Variants in FOXP1 observed in about 807,000 individuals in gnomAD.
The protein encoded by FOXP1 is forkhead box P1.
FOXP1 carries 15 observed loss-of-function variants against 98.2 expected under a neutral mutation model. The ratio of observed to expected loss-of-function variants is 0.15; its 90% CI spans 0.10 to 0.24. The LOEUF (loss-of-function observed/expected upper bound fraction) is 0.24, where lower values mean the gene tolerates loss of function less well. FOXP1 is among the 10% of genes least tolerant of loss of function. The pLI, the probability that FOXP1 is intolerant of heterozygous loss-of-function variation, is 1.00. For synonymous variants in FOXP1, 371 were observed against 314.5 expected (o/e 1.18, Z -1.90); for missense variants, 633 against 848.5 (o/e 0.75, Z 3.15).
At chr3:71,215,829 G>C (rs2064871853) in intron 5 of FOXP1, among the ~76,000 whole-genome samples, 1 of 152,184 alleles carries the variant, frequency 6.6e-6, no homozygotes. Flanking sequence ...AAAATGCAGA[G>C]CAGGGCAGAG....
intron 3 of FOXP1, among the ~76,000 whole-genome samples, chr3:71,472,629 C>T (rs1462668517): frequency 1.3e-5 from 2 of 152,088 alleles, no homozygotes; most frequent in South Asian, 2.1e-4. Context: ...CAACAGGAAA[C>T]CCCAGTCCAG....
At chr3:71,079,742 C>T (rs925555284) in intron 7 of FOXP1, among the ~76,000 whole-genome samples, 1 of 152,234 alleles carries the variant, frequency 6.6e-6, no homozygotes, top group Admixed American at 6.5e-5. Flanking sequence ...CTGCCTCCTC[C>T]TGCCACCTTC....
intron 2 of FOXP1, among the ~76,000 whole-genome samples, chr3:71,515,740 A>G (rs1180430401): frequency 6.6e-6 from 1 of 152,216 alleles, no homozygotes; most frequent in East Asian, 1.9e-4. Flanking sequence ...CATAAGTTAT[A>G]TCTAGCTCAC....
intron 17 of FOXP1, among the ~76,000 whole-genome samples, chr3:70,976,428 TTAATAACTCC>T (rs1380681139): frequency 1.3e-5 from 2 of 152,234 alleles, no homozygotes; most frequent in Non-Finnish European, 2.9e-5. Context: ...GTGTTCTCCA[TTAATAACTCC>T]TACAAACAGT....
chr3:71,244,946 T>C (rs2067601780), intron 5 of FOXP1: 1 of 138,390 alleles, frequency 7.2e-6, no homozygotes, highest in African/African-American at 2.7e-5. Flanking sequence ...AGCCCTCAGA[T>C]GAAGTGAGGG....
chr3:71,407,471 C>G (rs1446572832), intron 3 of FOXP1, among the ~76,000 whole-genome samples: 1 of 152,154 alleles, frequency 6.6e-6, no homozygotes, highest in Non-Finnish European at 1.5e-5. Context: ...ATGTAATTAT[C>G]TTTTCAATTT....
chr3:71,114,285 A>T (rs967398696), intron 6 of FOXP1, among the ~76,000 whole-genome samples: 1 of 152,160 alleles, frequency 6.6e-6, no homozygotes, highest in Admixed American at 6.5e-5. Flanking sequence ...AATGGAAGAG[A>T]GGTAAGGGGG....
intron 5 of FOXP1, among the ~76,000 whole-genome samples, chr3:71,222,088 G>C (rs1345485587): frequency 6.6e-6 from 1 of 152,180 alleles, no homozygotes. Context: ...GGGAGGTGAA[G>C]GTTGCAGTGA....
At chr3:71,045,694 T>C (rs2048929111) in intron 10 of FOXP1, among the ~76,000 whole-genome samples, 1 of 152,100 alleles carries the variant, frequency 6.6e-6, no homozygotes, top group Non-Finnish European at 1.5e-5. Context: ...GAAAAAGCCC[T>C]GGTCTCGATA....
chr3:71,501,293 CTTT>C (rs763654842), intron 2 of FOXP1, among the ~76,000 whole-genome samples: 5 of 129,714 alleles, frequency 3.9e-5, no homozygotes, highest in South Asian at 2.4e-4. Context: ...AAATGCTTTT[CTTT>C]TTTTTTTTTT....
At position 71,015,638 on chromosome 3, in the gene FOXP1, C is replaced by T; in HGVS notation, c.885G>A (p.Glu295=). Residue 295 remains glutamate, a synonymous_variant, in exon 12 of 21, where the codon GAG becomes GAA. Transcript: ENST00000649528. ...CATAGAGAGGATGGCTATGGGGGTG[C>T]TCCTCATGGGACAAACTGAAAGAAA... ...TPKRESLSHE[E]HPHSHPLYGH... The T allele has an allele frequency of 6.2e-7, 1 of 1,610,312 alleles. No individual in the cohort carries two copies. The highest frequency in any genetic ancestry group is 8.5e-7 in the Non-Finnish European group (1 of 1,176,832).
At chr3:71,285,625 G>GAGAAAGGGT (rs2072034253) in intron 5 of FOXP1, among the ~76,000 whole-genome samples, 1 of 152,140 alleles carries the variant, frequency 6.6e-6, no homozygotes, top group South Asian at 2.1e-4. Context: ...AATTAAATCC[G>GAGAAAGGGT]AGAAAGGGTC....
intron 2 of FOXP1, among the ~76,000 whole-genome samples, chr3:71,513,381 A>C (rs1465982058): frequency 2.6e-5 from 4 of 152,118 alleles, no homozygotes; most frequent in Admixed American, 1.3e-4. Context: ...CTATTCCATT[A>C]GGAAATCCCA....
intron 3 of FOXP1, among the ~76,000 whole-genome samples, chr3:71,397,766 T>C (rs1458213660): frequency 1.3e-5 from 2 of 152,162 alleles, no homozygotes; most frequent in African/African-American, 2.4e-5. Flanking sequence ...CTTCAACTTA[T>C]ACCATTTAGA....
chr3:71,443,538 T>G (rs559283352), intron 3 of FOXP1, among the ~76,000 whole-genome samples: 1 of 152,224 alleles, frequency 6.6e-6, no homozygotes, highest in East Asian at 1.9e-4. Context: ...CTGCCTTCTC[T>G]CCATGCTTCT....
At chr3:71,574,408 T>C (rs1032610524) in intron 2 of FOXP1, 2 of 152,228 alleles carry the variant, frequency 1.3e-5, no homozygotes. Context: ...TCTTAGTGGT[T>C]AGATCTTTAG....
At chr3:71,087,965 C>G (rs1362103665) in intron 7 of FOXP1, among the ~76,000 whole-genome samples, 1 of 152,188 alleles carries the variant, frequency 6.6e-6, no homozygotes, top group Non-Finnish European at 1.5e-5. Context: ...TAGGCCACGG[C>G]ATAATGTACC....
intron 6 of FOXP1, among the ~76,000 whole-genome samples, chr3:71,193,975 T>G (rs2063154609): frequency 6.6e-6 from 1 of 152,186 alleles, no homozygotes; most frequent in African/African-American, 2.4e-5. Flanking sequence ...TCTCTCCTTC[T>G]TTTACATTGT....
chr3:71,121,710 T>G (rs2058788586), intron 6 of FOXP1, among the ~76,000 whole-genome samples: 2 of 152,214 alleles, frequency 1.3e-5, no homozygotes, highest in Admixed American at 1.3e-4. Flanking sequence ...ATGCTATGAC[T>G]GTAGGCCACA....
Sources: gnomAD v4.1 joint callset for allele counts (sites outside exome capture counted in the v4.1 genomes callset) on GRCh38, gnomAD v4.1.1 for gene constraint, MANE v1.5 for transcripts, NCBI Gene and HGNC (gene_info 2026-07-23, HGNC 2026-07-21) for gene names.